RALGAPB: variants seen among roughly 807,000 people sequenced by gnomAD.
RALGAPB encodes Ral GTPase activating protein non-catalytic subunit beta, also known as ral GTPase-activating protein subunit beta.
RALGAPB carries 25 observed loss-of-function variants against 161.1 expected under a neutral mutation model. That is an observed-to-expected ratio of 0.16 (90% confidence interval 0.11 to 0.22). RALGAPB has a LOEUF of 0.22. RALGAPB is among the 10% of genes least tolerant of loss of function. The probability of loss-of-function intolerance (pLI) is 1.00; values close to 1 mark genes in which losing one functional copy is unlikely to be tolerated. For missense variants in RALGAPB, 1,391 were observed against 1,815.2 expected (o/e 0.77, Z 4.25); for synonymous variants, 629 against 626.1 (o/e 1.00, Z -0.07).
At position 38,513,346 on chromosome 20, in the gene RALGAPB, A is replaced by G. The variant is rs1484594331; in HGVS notation, c.873-2846A>G. ...TGGTGAAACCCTGTCTCTACTAAAA[A>G]TACAAAAATTAGCTGGGTGTGGTGG... On this transcript the variant is annotated intron_variant, in intron 6 of 29. Transcript: ENST00000262879. Among the ~76,000 whole-genome samples, 4 of 152,244 alleles carry G rather than the reference A, an allele frequency of 2.6e-5. No homozygotes were observed. The East Asian group carries it at 7.8e-4, about 30-fold the overall frequency.
Position 38,503,324 on chromosome 20 carries a change from A to G in RALGAPB, c.740+3691A>G, listed in dbSNP as rs560041599. On this transcript the variant is annotated intron_variant, in intron 5 of 29. Transcript: ENST00000262879. ...TGAGGGGCCAGCACCTCTAGTCCCT[A>G]TTGTTCAGGGGTCAACTGTACATTC... is the stretch of plus-strand genomic sequence containing the variant. Among the ~76,000 whole-genome samples the G allele has an allele frequency of 4.6e-5, 7 of 152,272 alleles. No individual in the cohort carries two copies. The East Asian group carries it at 7.7e-4, about 17-fold the overall frequency.
chr20:38,497,929 C>T (rs373913465), intron 4 of RALGAPB, among the ~76,000 whole-genome samples: 14 of 152,052 alleles, frequency 9.2e-5, no homozygotes, highest in East Asian at 5.8e-4. Context: ...ATTAGCCAGG[C>T]GTGGTGGCAC....
chr20:38,496,119 T>A (rs1267348224), intron 3 of RALGAPB, among the ~76,000 whole-genome samples: 2 of 152,170 alleles, frequency 1.3e-5, no homozygotes, highest in Admixed American at 1.3e-4. Flanking sequence ...CTTTACTAGA[T>A]CCACCTTTAG....
At chr20:38,573,605 CTGGCTTAGATTAA>C (rs1305216552) in intron 28 of RALGAPB, 1 of 152,182 alleles carries the variant, frequency 6.6e-6, no homozygotes, top group Non-Finnish European at 1.5e-5. Context: ...ACATTTGCAG[CTGGCTTAGATTAA>C]TGGCTCTCCC....
chr20:38,528,580 G>A (rs1284797693), intron 13 of RALGAPB, among the ~76,000 whole-genome samples: 1 of 152,096 alleles, frequency 6.6e-6, no homozygotes, highest in Non-Finnish European at 1.5e-5. Flanking sequence ...TGTTGCCCAG[G>A]CTGGTCTCGG....
intron 18 of RALGAPB, among the ~76,000 whole-genome samples, chr20:38,543,230 T>A (rs2145400396): frequency 6.6e-6 from 1 of 152,380 alleles, no homozygotes; most frequent in Non-Finnish European, 1.5e-5. Flanking sequence ...TCTCTCACAA[T>A]TGCTGCTTTA....
chr20:38,527,193 C>T (rs1438657288), intron 13 of RALGAPB, among the ~76,000 whole-genome samples: 5 of 152,204 alleles, frequency 3.3e-5, no homozygotes, highest in Non-Finnish European at 7.3e-5. Context: ...TTCTTCCTAG[C>T]ATCTTAGATT....
chr20:38,510,142 A>G (rs990439915), intron 6 of RALGAPB, among the ~76,000 whole-genome samples: 26 of 145,588 alleles, frequency 1.8e-4, no homozygotes, highest in African/African-American at 5.8e-4. Context: ...ACACACACAC[A>G]CACACACACA....
chr20:38,549,722 A>G (rs1030405408), intron 20 of RALGAPB, among the ~76,000 whole-genome samples: 1 of 152,080 alleles, frequency 6.6e-6, no homozygotes, highest in Admixed American at 6.6e-5. Context: ...GAAATTTTAA[A>G]TCACCTTTAC....
intron 19 of RALGAPB, 39 bp from the exon 20 acceptor site, chr20:38,548,650 G>A (rs748821255): frequency 6.8e-7 from 1 of 1,473,494 alleles, no homozygotes; most frequent in Admixed American, 1.7e-5. Context: ...AATGGTTGTT[G>A]TCTGAAATTA....
rs1364616502 is a variant in RALGAPB at position 38,548,673 on chromosome 20, A to G, written c.2903-16A>G. 12 of 1,579,506 alleles carry G rather than the reference A, an allele frequency of 7.6e-6. No homozygotes were observed. Among genetic ancestry groups the G allele is most frequent in the Middle Eastern group, 1.7e-4 (1 of 5,974 alleles). Reference sequence around the variant, plus strand: ...TTGTCTGAAATTAAAACTTTTATATACATATTTTATTCTAGATGATTTTTT... The same window carrying G: ...TTGTCTGAAATTAAAACTTTTATATGCATATTTTATTCTAGATGATTTTTT... On this transcript the variant is annotated splice_polypyrimidine_tract_variant and intron_variant, in intron 19 of 29. Transcript: ENST00000262879.
chr20:38,478,277 T>G (rs1310919006), intron 1 of RALGAPB, among the ~76,000 whole-genome samples: 4 of 152,266 alleles, frequency 2.6e-5, no homozygotes, highest in African/African-American at 9.6e-5. Flanking sequence ...ATAGCTTTAC[T>G]TTGTTTCCTT....
chr20:38,539,509 A>AC (rs1185647540), intron 16 of RALGAPB, among the ~76,000 whole-genome samples: 2 of 152,202 alleles, frequency 1.3e-5, no homozygotes, highest in Non-Finnish European at 2.9e-5. Flanking sequence ...GGAATGATGA[A>AC]CAGGTATACC....
chr20:38,486,473 T>C (rs927638276), intron 1 of RALGAPB, among the ~76,000 whole-genome samples: 12 of 152,184 alleles, frequency 7.9e-5, no homozygotes, highest in Non-Finnish European at 1.0e-4. Flanking sequence ...GGGAGGGTAG[T>C]GGCCATTTCT....
At chr20:38,481,258 C>G (rs1377093604) in intron 1 of RALGAPB, among the ~76,000 whole-genome samples, 1 of 152,152 alleles carries the variant, frequency 6.6e-6, no homozygotes, top group African/African-American at 2.4e-5. Flanking sequence ...TCACATTCAA[C>G]ATTTTAATGT....
intron 28 of RALGAPB, among the ~76,000 whole-genome samples, chr20:38,571,821 C>T (rs1263891575): frequency 1.3e-5 from 2 of 152,180 alleles, no homozygotes; most frequent in South Asian, 2.1e-4. Context: ...TTTCCACCAA[C>T]AGCATACAAG....
Position 38,488,403 on chromosome 20 carries a change from G to T in RALGAPB, c.-30G>T. On this transcript the variant is annotated splice_region_variant and 5_prime_UTR_variant, in exon 2 of 30. Coordinates refer to ENST00000262879, the MANE Select transcript of RALGAPB (RefSeq NM_020336.4). ...ATGCATTTCTGTTTTGTCTTTTCAG[G>T]TGCCATTTGGATTGTACTTTAGTGG... The T allele has an allele frequency of 6.4e-7, 1 of 1,567,410 alleles. No homozygotes were observed. The highest frequency in any genetic ancestry group is 8.7e-7 in the Non-Finnish European group (1 of 1,148,916).
chr20:38,569,278 G>C (rs2088134883), intron 26 of RALGAPB: 1 of 152,682 alleles, frequency 6.5e-6, no homozygotes, highest in Non-Finnish European at 1.5e-5. Context: ...TGCAGCTCAG[G>C]GTACCAGTTT....
intron 20 of RALGAPB, among the ~76,000 whole-genome samples, chr20:38,550,510 T>C (rs900552443): frequency 1.3e-5 from 2 of 152,144 alleles, no homozygotes; most frequent in Non-Finnish European, 2.9e-5. Flanking sequence ...TAAGTTAGCA[T>C]TGAAGACTGA....
Sources: gnomAD v4.1 joint callset for allele counts (sites outside exome capture counted in the v4.1 genomes callset) on GRCh38, gnomAD v4.1.1 for gene constraint, MANE v1.5 for transcripts, NCBI Gene and HGNC (gene_info 2026-07-23, HGNC 2026-07-21) for gene names.